The following RABGAP1L variants were observed in gnomAD, a reference collection of about 807,000 sequenced individuals.
RABGAP1L encodes rab GTPase-activating protein 1-like.
A neutral mutation model predicts 137.7 loss-of-function variants in RABGAP1L; 63 were observed. That is an observed-to-expected ratio of 0.46 (90% CI 0.37 to 0.56). The LOEUF (loss-of-function observed/expected upper bound fraction) is 0.56. RABGAP1L is among the 20% of genes least tolerant of loss of function. RABGAP1L has a pLI of 0.00. For synonymous variants in RABGAP1L, 431 were observed against 433.7 expected, an observed-to-expected ratio of 0.99 and a Z score of 0.08; for missense variants, 1,095 against 1,244.0, an observed-to-expected ratio of 0.88 and a Z score of 1.80.
intron 9 of RABGAP1L, 77 bp downstream of exon 9, chr1:174,276,012 A>G (rs1674968330): frequency 8.1e-7 from 1 of 1,232,550 alleles, no homozygotes; most frequent in Non-Finnish European, 1.1e-6. Flanking sequence ...CATGTTTTAA[A>G]AAAAATTTGG....
intron 13 of RABGAP1L, among the ~76,000 whole-genome samples, chr1:174,512,140 C>T (rs1334561337): frequency 5.9e-5 from 9 of 152,102 alleles, no homozygotes; most frequent in Admixed American, 4.6e-4. Flanking sequence ...ATAAACTGAT[C>T]TTATTTCTAA....
chr1:174,989,438 C>T (rs899498171), intron 25 of RABGAP1L, among the ~76,000 whole-genome samples: 1 of 152,202 alleles, frequency 6.6e-6, no homozygotes, highest in African/African-American at 2.4e-5. Flanking sequence ...TGTGTCTGCT[C>T]TGACCTTGGA....
At chr1:174,525,055 A>G (rs1299073569) in intron 13 of RABGAP1L, among the ~76,000 whole-genome samples, 1 of 152,088 alleles carries the variant, frequency 6.6e-6, no homozygotes, top group Non-Finnish European at 1.5e-5. Flanking sequence ...GTCTTGTAAT[A>G]TAATGTGATG....
chr1:174,679,967 C>T (rs1242458262), intron 14 of RABGAP1L, among the ~76,000 whole-genome samples: 2 of 151,844 alleles, frequency 1.3e-5, no homozygotes, highest in African/African-American at 4.8e-5. Flanking sequence ...AATGCCAAAA[C>T]AAAAAAACTT....
At chr1:174,647,473 T>G (rs1675069566) in intron 14 of RABGAP1L, among the ~76,000 whole-genome samples, 1 of 152,158 alleles carries the variant, frequency 6.6e-6, no homozygotes, top group Non-Finnish European at 1.5e-5. Flanking sequence ...ATCATGTGGT[T>G]TTTGTCATTG....
At chr1:174,436,999 G>A (rs1391202695) in intron 13 of RABGAP1L, among the ~76,000 whole-genome samples, 1 of 152,278 alleles carries the variant, frequency 6.6e-6, no homozygotes, top group Non-Finnish European at 1.5e-5. Context: ...CAGACCTGCA[G>A]CTGAGGGTCC....
At chr1:174,800,060 C>T in intron 18 of RABGAP1L, 1 of 1,263,650 alleles carries the variant, frequency 7.9e-7, no homozygotes, top group Non-Finnish European at 1.0e-6. Context: ...CTGCATCACT[C>T]TTGGCCATTT....
rs537277412 is a variant in RABGAP1L, at chr1:174,799,816, C to G, written c.2212-12016C>G. ...AACAACAGCGCTGCTTGTCACGAAT[C>G]GAGGATTGCAATGAGCTCATCGTTT... On this transcript the variant is annotated intron_variant, in intron 18 of 25. Coordinates refer to ENST00000681986, the MANE Select transcript of RABGAP1L (RefSeq NM_001366446.1). The G allele has an allele frequency of 1.3e-4, 125 of 997,340 alleles. 1 individual carries two copies. Among genetic ancestry groups the G allele is most frequent in the Non-Finnish European group, 1.3e-4 (111 of 838,242 alleles). The allele number at this position is 997,340 out of a possible 1,614,324, so 61.8% of individuals were successfully genotyped here.
intron 19 of RABGAP1L, among the ~76,000 whole-genome samples, chr1:174,906,873 T>A (rs984746900): frequency 4.8e-5 from 7 of 146,766 alleles, no homozygotes; most frequent in African/African-American, 1.8e-4. Context: ...CATGAGGGGA[T>A]GAAGTGACAT....
chr1:174,355,932 A>G (rs1472432901), intron 11 of RABGAP1L, among the ~76,000 whole-genome samples: 3 of 152,204 alleles, frequency 2.0e-5, no homozygotes, highest in Non-Finnish European at 4.4e-5. Context: ...TATTTAAGAA[A>G]TTAAAGATGA....
chr1:174,707,235 G>GTTTTGTTTTA (rs1489826489), intron 17 of RABGAP1L, among the ~76,000 whole-genome samples: 2 of 151,970 alleles, frequency 1.3e-5, no homozygotes, highest in Non-Finnish European at 2.9e-5. Flanking sequence ...GTTTTGTTTT[G>GTTTTGTTTTA]TTTTGTTTTG....
intron 11 of RABGAP1L, among the ~76,000 whole-genome samples, chr1:174,355,713 A>G (rs1368965147): frequency 6.6e-6 from 1 of 151,998 alleles, no homozygotes; most frequent in Non-Finnish European, 1.5e-5. Context: ...AGTATTTTTG[A>G]CGGGTTTCAA....
At chr1:174,243,596 G>A (rs1672011690) in intron 5 of RABGAP1L, among the ~76,000 whole-genome samples, 1 of 152,096 alleles carries the variant, frequency 6.6e-6, no homozygotes, top group African/African-American at 2.4e-5. Flanking sequence ...TATAAATAGA[G>A]AGCTTATGCC....
chr1:174,195,745 TTCTTTCTC>T (rs539706412), intron 1 of RABGAP1L, among the ~76,000 whole-genome samples: 286 of 129,854 alleles, frequency 2.2e-3, no homozygotes, highest in Middle Eastern at 3.6e-3. Flanking sequence ...CTTTCTTTCT[TTCTTTCTC>T]TCTTTCTCTC....
At chr1:174,178,889 C>T (rs1666113990) in intron 1 of RABGAP1L, among the ~76,000 whole-genome samples, 1 of 152,094 alleles carries the variant, frequency 6.6e-6, no homozygotes, top group African/African-American at 2.4e-5. Flanking sequence ...GCATGCAGGG[C>T]TTAAAACCTA....
At chr1:174,913,770 A>G (rs901607239) in intron 19 of RABGAP1L, among the ~76,000 whole-genome samples, 2 of 152,242 alleles carry the variant, frequency 1.3e-5, no homozygotes, top group African/African-American at 4.8e-5. Context: ...AGGAAAAGAA[A>G]AAGAACAGAT....
chr1:174,376,268 GA>G (rs1194382838), intron 12 of RABGAP1L, among the ~76,000 whole-genome samples: 3 of 150,206 alleles, frequency 2.0e-5, no homozygotes, highest in South Asian at 2.1e-4. Flanking sequence ...AGGAAGGAAG[GA>G]AAAAATATAT....
At chr1:174,256,542 G>A (rs1369927944) in intron 7 of RABGAP1L, among the ~76,000 whole-genome samples, 2 of 152,208 alleles carry the variant, frequency 1.3e-5, no homozygotes, top group Admixed American at 1.3e-4. Context: ...CAGCAGATTG[G>A]GAGGCCGAGG....
rs551980688 is a variant in RABGAP1L at position 174,982,570 on chromosome 1, G to T, written c.2734-264G>T. ...TGAGGCCAGGAATTCACTTGAACCA[G>T]TCACAGAAGGCTAGTGACAGAAAGA... On this transcript the variant is annotated intron_variant, in intron 23 of 25. Coordinates refer to ENST00000681986, the MANE Select transcript of RABGAP1L (RefSeq NM_001366446.1). 5.3e-5 allele frequency among the ~76,000 whole-genome samples: 8 copies of T among 152,322 alleles called. No homozygotes were observed. The East Asian group carries it at 1.5e-3, about 29-fold the overall frequency.
Sources: gnomAD v4.1 joint callset for allele counts (sites outside exome capture counted in the v4.1 genomes callset) on GRCh38, gnomAD v4.1.1 for gene constraint, MANE v1.5 for transcripts, NCBI Gene and HGNC (gene_info 2026-07-23, HGNC 2026-07-21) for gene names.